The following LAMC3 variants were observed in gnomAD, a reference collection of about 807,000 sequenced individuals.
LAMC3 encodes the protein laminin subunit gamma-3.
In LAMC3, 128 loss-of-function variants were observed where a neutral mutation model predicts 173.8. The ratio of observed to expected loss-of-function variants is 0.74; its 90% CI spans 0.64 to 0.85. The LOEUF (loss-of-function observed/expected upper bound fraction) is 0.85. Ranked by LOEUF, LAMC3 falls within the 40% of genes least tolerant of loss-of-function variation. LAMC3 has a pLI of 0.00. For missense variants in LAMC3, 2,022 were observed against 2,156.0 expected (o/e 0.94, Z 1.23); for synonymous variants, 897 against 909.1 (o/e 0.99, Z 0.24).
chr9:131,085,213 T>A (rs1448096776), intron 24 of LAMC3, among the ~76,000 whole-genome samples: 9 of 152,210 alleles, frequency 5.9e-5, no homozygotes, highest in African/African-American at 2.2e-4. Flanking sequence ...CTGAGCAGAC[T>A]GAGCCATGGA....
At position 131,052,558 on chromosome 9, in the gene LAMC3, C is replaced by T. The variant is rs369683961; in HGVS notation, c.1698C>T (p.Pro566=). The T allele has an allele frequency of 1.8e-4, 291 of 1,614,058 alleles. No homozygotes were observed. Among genetic ancestry groups the T allele is most frequent in the South Asian group, 1.4e-3 (126 of 91,078 alleles). ...TCATACTGACCTTCCGGGTGCCCCC[C>T]GGGGACTCCCCACTCCCTGTACAGC... The part of the protein sequence containing the change: ...QPLILTFRVP[P]GDSPLPVQLR... The change falls in exon 10 of 28, where the codon CCC becomes CCT. Residue 566 remains proline, a synonymous_variant. Transcript: ENST00000361069.
In LAMC3 at chr9:131,026,783, C is replaced by T. The variant is rs1833726651; in HGVS notation, c.678+194C>T. Among the ~76,000 whole-genome samples the T allele has an allele frequency of 6.6e-6, 1 of 152,186 alleles. No homozygotes were observed. Among genetic ancestry groups the T allele is most frequent in the Non-Finnish European group, 1.5e-5 (1 of 68,036 alleles). ...GGAGTGCAGTGACGCGATTTCGGTT[C>T]ACTGAAACCTCCGCCTCCTTGGTTC... On this transcript the variant is annotated intron_variant, in intron 2 of 27. Coordinates refer to ENST00000361069, the MANE Select transcript of LAMC3 (RefSeq NM_006059.4). The surrounding 1 kb of genome is among the most constrained non-coding windows in gnomAD (Gnocchi z 4.8).
At chr9:131,032,506 C>CGCTCTCTCTCTCTT (rs1564368266) in intron 3 of LAMC3, among the ~76,000 whole-genome samples, 5 of 143,792 alleles carry the variant, frequency 3.5e-5, no homozygotes, top group Non-Finnish European at 1.6e-5. Context: ...CTCTCTCACT[C>CGCTCTCTCTCTCTT]GCTCTCTCTC....
At chr9:131,076,056 C>T in intron 21 of LAMC3, 91 bp downstream of exon 21, 1 of 1,283,836 alleles carries the variant, frequency 7.8e-7, no homozygotes, top group Non-Finnish European at 1.1e-6. Flanking sequence ...CCAGAGCCAG[C>T]TCCCTTGAGT....
intron 8 of LAMC3, among the ~76,000 whole-genome samples, chr9:131,048,436 C>T (rs547397684): frequency 4.6e-5 from 7 of 152,334 alleles, no homozygotes; most frequent in Admixed American, 1.3e-4. Flanking sequence ...TTCCCCACTC[C>T]GTTCCTTCCT....
chr9:131,075,974 T>C lies in LAMC3; in HGVS notation c.3629+9T>C. The stretch of plus-strand genomic sequence containing the variant: ...CGGGACCTGGAGGACAGGTGAGGCC[T>C]CCCCAGGTGTGGGTAGAAACTTTGG... On this transcript the variant is annotated intron_variant, in intron 21 of 27. Coordinates refer to ENST00000361069, the MANE Select transcript of LAMC3 (RefSeq NM_006059.4). 4 of 1,599,578 alleles carry C rather than the reference T, an allele frequency of 2.5e-6. No individual in the cohort carries two copies. Among genetic ancestry groups the C allele is most frequent in the Non-Finnish European group, 3.4e-6 (4 of 1,171,424 alleles).
At chr9:131,076,534 GTCACA>G (rs1384965993) in intron 21 of LAMC3, among the ~76,000 whole-genome samples, 5 of 152,184 alleles carry the variant, frequency 3.3e-5, no homozygotes, top group Non-Finnish European at 7.3e-5. Flanking sequence ...GCTGGGGGAG[GTCACA>G]TGACCCACCC....
Position 131,011,987 on chromosome 9 carries a change from G to C in LAMC3, c.373+2400G>C, listed in dbSNP as rs1273996987. On this transcript the variant is annotated intron_variant, in intron 1 of 27. Transcript: ENST00000361069. ...CTGCCTAGAACCTTAGAAGCAGAGT[G>C]GTTCTGATCCTTCTAAAAGCAAGGA... 9.2e-5 allele frequency among the ~76,000 whole-genome samples: 14 copies of C among 151,956 alleles called. 1 individual carries two copies. Among genetic ancestry groups the C allele is most frequent in the Non-Finnish European group, 2.9e-5 (2 of 68,018 alleles).
At chr9:131,053,926 C>T (rs192981739) in intron 11 of LAMC3, among the ~76,000 whole-genome samples, 1 of 152,040 alleles carries the variant, frequency 6.6e-6, no homozygotes, top group Non-Finnish European at 1.5e-5. Context: ...TGGAGGATCG[C>T]TTGAGCCCAG....
Position 131,073,295 on chromosome 9 carries a change from C to T in LAMC3, c.3468C>T (p.Ala1156=). The T allele has an allele frequency of 1.2e-6, 2 of 1,613,798 alleles. No individual in the cohort carries two copies. The highest frequency in any genetic ancestry group is 8.5e-7 in the Non-Finnish European group (1 of 1,179,916). Residue 1156 remains alanine (A), a synonymous_variant, in exon 20 of 28, where the codon GCC becomes GCT. Coordinates refer to ENST00000361069, the MANE Select transcript of LAMC3 (RefSeq NM_006059.4). ...PSQPTKWSHL[A]TEARALARSH... is the part of the protein sequence containing the mutation. ...AGCCGACCAAATGGAGCCACCTGGC[C>T]ACAGAGGCCCGTGCCCTCGCCAGGA... is the stretch of plus-strand genomic sequence containing the variant.
intron 10 of LAMC3, 31 bp from the exon 11 acceptor site, chr9:131,052,819 G>A (rs377566013): frequency 2.0e-5 from 29 of 1,434,972 alleles, no homozygotes; most frequent in Admixed American, 3.4e-5. Context: ...ACCCTATGTC[G>A]GGATCTCACT....
intron 1 of LAMC3, among the ~76,000 whole-genome samples, chr9:131,018,871 C>T (rs1447809144): frequency 6.6e-6 from 1 of 152,222 alleles, no homozygotes; most frequent in Non-Finnish European, 1.5e-5. Context: ...TCCTCACCTT[C>T]CCTGGCTAAT....
At chr9:131,050,236 A>T (rs1425749706) in intron 9 of LAMC3, among the ~76,000 whole-genome samples, 2 of 152,214 alleles carry the variant, frequency 1.3e-5, no homozygotes, top group Non-Finnish European at 2.9e-5. Flanking sequence ...GCCTGTCCTC[A>T]TGGTGCTCTC....
At chr9:131,059,258 C>T (rs944991926) in intron 12 of LAMC3, among the ~76,000 whole-genome samples, 3 of 151,130 alleles carry the variant, frequency 2.0e-5, no homozygotes, top group Non-Finnish European at 4.4e-5. Context: ...TTTGGGAGGC[C>T]GAGGTGGGCA....
chr9:131,032,226 A>G, intron 3 of LAMC3, 51 bp downstream of exon 3: 2 of 576,846 alleles, frequency 3.5e-6, no homozygotes, highest in South Asian at 1.4e-5. Context: ...CCCAAACCCG[A>G]GAGCGGAAGG....
intron 25 of LAMC3, among the ~76,000 whole-genome samples, chr9:131,086,570 GC>G (rs1344340586): frequency 3.6e-5 from 1 of 28,052 alleles, no homozygotes; most frequent in Non-Finnish European, 7.2e-5. Flanking sequence ...ACTGTGCCTG[GC>G]TAACTTTTTT....
intron 23 of LAMC3, 59 bp downstream of exon 23, chr9:131,079,357 G>A: frequency 6.2e-7 from 1 of 1,600,686 alleles, no homozygotes; most frequent in African/African-American, 1.3e-5. Context: ...CCCTGAAGGT[G>A]ATCCAGGGTC....
At chr9:131,065,587 T>C (rs540558713) in intron 13 of LAMC3, among the ~76,000 whole-genome samples, 1 of 152,146 alleles carries the variant, frequency 6.6e-6, no homozygotes, top group Non-Finnish European at 1.5e-5. Flanking sequence ...ATGAAGATAA[T>C]GATCAAAATG....
At chr9:131,087,453 T>C in intron 25 of LAMC3, 23 bp from the exon 26 acceptor site, 1 of 1,613,560 alleles carries the variant, frequency 6.2e-7, no homozygotes, top group Non-Finnish European at 8.5e-7. Flanking sequence ...TTCTTCTCCC[T>C]GCCACTGCCA....
Sources: gnomAD v4.1 joint callset for allele counts (sites outside exome capture counted in the v4.1 genomes callset) on GRCh38, gnomAD v4.1.1 for gene constraint, Gnocchi (gnomAD v3.1) non-coding constraint, MANE v1.5 for transcripts, NCBI Gene and HGNC (gene_info 2026-07-23, HGNC 2026-07-21) for gene names.